Variants in PLEKHF1 observed in about 807,000 individuals in gnomAD.
PLEKHF1 encodes the protein pleckstrin homology domain-containing family F member 1.
In PLEKHF1, 1 loss-of-function variant was observed where a neutral mutation model predicts 4.1. That is an observed-to-expected ratio of 0.24 (90% CI 0.09 to 1.15). The LOEUF is 1.15. Ranked by LOEUF, PLEKHF1 falls within the 50% of genes most tolerant of loss-of-function variation. PLEKHF1 has a pLI of 0.52. For synonymous variants in PLEKHF1, 182 were observed against 178.5 expected, an observed-to-expected ratio of 1.02 and a Z score of -0.16; for missense variants, 429 against 400.6, an observed-to-expected ratio of 1.07 and a Z score of -0.60.
intron 1 of PLEKHF1, among the ~76,000 whole-genome samples, chr19:29,668,644 C>G (rs1410224031): frequency 6.6e-6 from 1 of 151,588 alleles, no homozygotes; most frequent in Non-Finnish European, 1.5e-5. Flanking sequence ...TTCTTGAGCC[C>G]TGGAGTTCGA....
chr19:29,665,579 AC>A (rs1457467421), intron 1 of PLEKHF1, 74 bp downstream of exon 1: 3 of 1,236,108 alleles, frequency 2.4e-6, no homozygotes, highest in Non-Finnish European at 1.0e-6. Context: ...TCCCATCACC[AC>A]CCCCGGACAA....
Position 29,674,568 on chromosome 19 carries a change from T to C in PLEKHF1, c.729T>C (p.Ser243=). The change falls in exon 2 of 2, where the codon AGT becomes AGC. Residue 243 remains serine (S), a synonymous_variant. Coordinates refer to ENST00000436066, the MANE Select transcript of PLEKHF1 (RefSeq NM_024310.5). ...HLARPICGAS[S]GDDDDSDEDK... is the part of the protein sequence containing the mutation. Reference sequence around the variant, plus strand: ...CCCGGCCCATCTGCGGAGCGTCCAGTGGAGATGACGATGACTCCGACGAGG... The same window carrying C: ...CCCGGCCCATCTGCGGAGCGTCCAGCGGAGATGACGATGACTCCGACGAGG... 1 of 1,600,222 alleles carries C rather than the reference T, an allele frequency of 6.2e-7. No individual in the cohort carries two copies. The highest frequency in any genetic ancestry group is 8.5e-7 in the Non-Finnish European group (1 of 1,174,380).
At chr19:29,669,871 A>G (rs183467949) in intron 1 of PLEKHF1, among the ~76,000 whole-genome samples, 3 of 152,082 alleles carry the variant, frequency 2.0e-5, no homozygotes, top group Admixed American at 6.5e-5. Flanking sequence ...TACCATTCTA[A>G]CCACTTTCAA....
chr19:29,665,518 A>C lies in PLEKHF1; in HGVS notation c.-17+13A>C. The C allele has an allele frequency of 1.6e-6, 2 of 1,235,198 alleles. No individual in the cohort carries two copies. Among genetic ancestry groups the C allele is most frequent in the Non-Finnish European group, 2.1e-6 (2 of 959,540 alleles). The allele number at this position is 1,235,198 out of a possible 1,614,324, so 76.5% of individuals were successfully genotyped here. A position where few individuals can be genotyped will look rare whatever the true frequency, so the allele number is the denominator to read the frequency against. On this transcript the variant is annotated intron_variant, in intron 1 of 1. Transcript: ENST00000436066. ...GCCGGCGCAGAAGGTGAGTCCCCCC[A>C]CCGTCCCCCGGCCGGGCTGCGGGTC... is the stretch of plus-strand genomic sequence containing the variant.
intron 1 of PLEKHF1, 126 bp downstream of exon 1, chr19:29,665,631 C>T: frequency 8.6e-7 from 1 of 1,165,310 alleles, no homozygotes; most frequent in South Asian, 1.6e-5. Flanking sequence ...GGCTCCTGGG[C>T]CGGCGGGGCG....
At chr19:29,673,649 G>A (rs1224401161) in intron 1 of PLEKHF1, among the ~76,000 whole-genome samples, 175 bp from the exon 2 acceptor site, 1 of 152,130 alleles carries the variant, frequency 6.6e-6, no homozygotes, top group South Asian at 2.1e-4. Flanking sequence ...CTGTACTCCC[G>A]TCTAAGGGTC....
chr19:29,674,405 A>AGCGCTTCCTGCTCCC lies in PLEKHF1; in HGVS notation c.571_585dup (p.Phe191_Arg195dup). 2.0e-6 allele frequency: 3 copies of AGCGCTTCCTGCTCCC among 1,530,602 alleles called. No homozygotes were observed. The highest frequency in any genetic ancestry group is 2.6e-6 in the Non-Finnish European group (3 of 1,142,060). The allele number at this position is 1,530,602 out of a possible 1,614,324, so 94.8% of individuals were successfully genotyped here. Reference sequence around the variant, plus strand: ...GTGGTCTGCGCTGAGTGCTCGCGCCAGCGCTTCCTGCTCCCGCGCCTGTCC... The same window carrying AGCGCTTCCTGCTCCC: ...GTGGTCTGCGCTGAGTGCTCGCGCCAGCGCTTCCTGCTCCCGCGCTTCCTGCTCCCGCGCCTGTCC... On this transcript the variant is annotated inframe_insertion, in exon 2 of 2. Coordinates refer to ENST00000436066, the MANE Select transcript of PLEKHF1 (RefSeq NM_024310.5).
Position 29,673,978 on chromosome 19 carries a change from C to G in PLEKHF1, c.139C>G (p.Arg47Gly), listed in dbSNP as rs956469104. 2.5e-6 allele frequency: 4 copies of G among 1,613,892 alleles called. No individual in the cohort carries two copies. In the Admixed American group the frequency reaches 5.0e-5, roughly 20 times the overall value. Residue 47 changes from arginine to glycine, a missense_variant, in exon 2 of 2, where the codon CGC (arginine) becomes GGC (glycine). Coordinates refer to ENST00000436066, the MANE Select transcript of PLEKHF1 (RefSeq NM_024310.5). ...CGAGGGCGTGCTGACCAAAGAGTGC[C>G]GCAAGAAGGCCAAGCCGCGCATCTT... The part of the protein sequence containing the change: ...LGEGVLTKEC[R>G]KKAKPRIFFL...
chr19:29,667,273 G>A (rs1431479383), intron 1 of PLEKHF1: 1 of 152,320 alleles, frequency 6.6e-6, no homozygotes, highest in East Asian at 1.9e-4. Context: ...TTTCTTCACA[G>A]TGTTTAGCAC....
intron 1 of PLEKHF1, among the ~76,000 whole-genome samples, chr19:29,670,028 T>G (rs1224900275): frequency 6.6e-6 from 1 of 152,108 alleles, no homozygotes; most frequent in Non-Finnish European, 1.5e-5. Context: ...ACTTCCTAGG[T>G]TCAAGTGATT....
chr19:29,667,326 T>G (rs909717239), intron 1 of PLEKHF1: 9 of 152,296 alleles, frequency 5.9e-5, no homozygotes, highest in Admixed American at 5.2e-4. Flanking sequence ...CTAGTCTCAC[T>G]GGCAAGAAGT....
At chr19:29,668,176 G>A (rs1251291961) in intron 1 of PLEKHF1, among the ~76,000 whole-genome samples, 1 of 152,188 alleles carries the variant, frequency 6.6e-6, no homozygotes, top group Non-Finnish European at 1.5e-5. Context: ...AAAGAAAGAT[G>A]CAGGTCTGTT....
rs924524224 is a variant in PLEKHF1 at position 29,665,704 on chromosome 19, G to C, written c.-17+199G>C. 1.4e-5 allele frequency: 16 copies of C among 1,106,910 alleles called. No individual in the cohort carries two copies. The African/African-American group carries it at 2.8e-4, about 19-fold the overall frequency. The allele number at this position is 1,106,910 out of a possible 1,614,324, so 68.6% of individuals were successfully genotyped here. ...AGGGCGCTCCTGGGCGGCTTGCGGGGTGAACCTGCAGGGAGCCTGGGGAGA... is the reference window on the plus strand; with the variant it reads ...AGGGCGCTCCTGGGCGGCTTGCGGGCTGAACCTGCAGGGAGCCTGGGGAGA... On this transcript the variant is annotated intron_variant, in intron 1 of 1. Transcript: ENST00000436066.
Position 29,674,778 on chromosome 19 carries a change from C to T in PLEKHF1, c.*99C>T. The T allele has an allele frequency of 6.8e-7, 1 of 1,464,012 alleles. No homozygotes were observed. Among genetic ancestry groups the T allele is most frequent in the Non-Finnish European group, 9.0e-7 (1 of 1,105,794 alleles). 90.7% of individuals were successfully genotyped at this position (1,464,012 alleles called of 1,614,324 possible). A position where few individuals can be genotyped will look rare whatever the true frequency, so the allele number is the denominator to read the frequency against. On this transcript the variant is annotated 3_prime_UTR_variant, in exon 2 of 2. Transcript: ENST00000436066. ...TGCCCAGGGCTCCGGGACCCCATCC[C>T]ATGGTGGCAGGTGCAGCGGTGGGGA...
In PLEKHF1 at chr19:29,674,775, T is replaced by C. The variant is rs919402634; in HGVS notation, c.*96T>C. On this transcript the variant is annotated 3_prime_UTR_variant, in exon 2 of 2. Transcript: ENST00000436066. ...AGCTGCCCAGGGCTCCGGGACCCCA[T>C]CCCATGGTGGCAGGTGCAGCGGTGG... 22 of 1,466,364 alleles carry C rather than the reference T, an allele frequency of 1.5e-5. No homozygotes were observed. The East Asian group carries it at 5.1e-4, about 34-fold the overall frequency. 90.8% of individuals were successfully genotyped at this position (1,466,364 alleles called of 1,614,324 possible).
Position 29,673,902 on chromosome 19 carries a change from C to T in PLEKHF1, c.63C>T (p.Cys21=), listed in dbSNP as rs1971659992. 6.2e-7 allele frequency: 1 copy of T among 1,612,330 alleles called. No homozygotes were observed. The highest frequency in any genetic ancestry group is 8.5e-7 in the Non-Finnish European group (1 of 1,179,186). Residue 21 remains cysteine (C), a synonymous_variant, in exon 2 of 2, where the codon TGC becomes TGT. Coordinates refer to ENST00000436066, the MANE Select transcript of PLEKHF1 (RefSeq NM_024310.5). The part of the protein sequence containing the change: ...NSQRIAAVES[C]FGASGQPLAL... ...AGCGCATCGCGGCAGTGGAGAGCTG[C>T]TTCGGGGCCTCGGGGCAGCCGCTGG...
chr19:29,674,297 A>G lies in PLEKHF1; in HGVS notation c.458A>G (p.Lys153Arg), dbSNP rs568740015. The part of the protein sequence containing the change: ...TEHAAPWIPD[K>R]ATDICMRCTQ... The stretch of plus-strand genomic sequence containing the variant: ...CACGCGGCACCCTGGATCCCCGACA[A>G]GGCCACGGACATCTGCATGCGCTGC... Residue 153 changes from lysine (K) to arginine (R), a missense_variant, in exon 2 of 2, where the codon AAG (lysine) becomes AGG (arginine). Lys to Arg is a conservative substitution (Grantham distance 26, BLOSUM62 2). Transcript: ENST00000436066. 1.9e-6 allele frequency: 3 copies of G among 1,593,618 alleles called. No individual in the cohort carries two copies. Among genetic ancestry groups the G allele is most frequent in the South Asian group, 2.2e-5 (2 of 90,024 alleles).
chr19:29,666,360 C>T (rs1971569541), intron 1 of PLEKHF1, among the ~76,000 whole-genome samples: 1 of 152,254 alleles, frequency 6.6e-6, no homozygotes, highest in African/African-American at 2.4e-5. Flanking sequence ...GTCGTTCCCA[C>T]TGGAGTCTGT....
chr19:29,674,727 G>GC lies in PLEKHF1; in HGVS notation c.*53dup. ...TCCCCAAGCCAGCTCCACTGCCCAGGCCCCCAAGAGGGCAGCTCCAGAAGC... is the reference window on the plus strand; with the variant it reads ...TCCCCAAGCCAGCTCCACTGCCCAGGCCCCCCAAGAGGGCAGCTCCAGAAGC... On this transcript the variant is annotated 3_prime_UTR_variant, in exon 2 of 2. Coordinates refer to ENST00000436066, the MANE Select transcript of PLEKHF1 (RefSeq NM_024310.5). 1.3e-6 allele frequency: 2 copies of GC among 1,532,638 alleles called. No homozygotes were observed. The highest frequency in any genetic ancestry group is 2.8e-5 in the African/African-American group (2 of 72,704). The allele number at this position is 1,532,638 out of a possible 1,614,324, so 94.9% of individuals were successfully genotyped here.
Sources: allele counts gnomAD v4.1 joint callset (sites outside exome capture counted in the v4.1 genomes callset), GRCh38; gene constraint gnomAD v4.1.1; transcripts MANE v1.5; gene names NCBI Gene and HGNC (gene_info 2026-07-23, HGNC 2026-07-21).